The following RAB8B variants were observed in gnomAD, a reference collection of about 807,000 sequenced individuals.
RAB8B encodes RAB8B, member RAS oncogene family.
Under a neutral mutation model 32.0 loss-of-function variants are expected in RAB8B, and 11 were observed. That is an observed-to-expected ratio of 0.34 (90% CI 0.22 to 0.57). RAB8B has a LOEUF of 0.57. Ranked by LOEUF, RAB8B falls within the 20% of genes least tolerant of loss-of-function variation. The pLI, the probability that RAB8B is intolerant of heterozygous loss-of-function variation, is 0.86. For missense variants in RAB8B, 190 were observed against 258.5 expected, an observed-to-expected ratio of 0.73 and a Z score of 1.82; for synonymous variants, 103 against 89.6, an observed-to-expected ratio of 1.15 and a Z score of -0.85.
intron 1 of RAB8B, among the ~76,000 whole-genome samples, chr15:63,230,586 G>A (rs899909794): frequency 2.6e-5 from 4 of 152,246 alleles, no homozygotes; most frequent in African/African-American, 9.6e-5. Flanking sequence ...ACAGGCGTGA[G>A]CCACCACGCC....
chr15:63,201,423 A>G (rs890364274), intron 1 of RAB8B, among the ~76,000 whole-genome samples: 3 of 152,202 alleles, frequency 2.0e-5, no homozygotes, highest in African/African-American at 7.2e-5. Context: ...CCAGAGAGAT[A>G]GCATAGCCCT....
chr15:63,191,660 T>G (rs1178624899), intron 1 of RAB8B, among the ~76,000 whole-genome samples: 2 of 152,246 alleles, frequency 1.3e-5, no homozygotes, highest in African/African-American at 4.8e-5. Context: ...TAAAGGATAA[T>G]TTCTAACAAG....
chr15:63,204,192 T>A (rs970370363), intron 1 of RAB8B, among the ~76,000 whole-genome samples: 4 of 152,204 alleles, frequency 2.6e-5, no homozygotes, highest in Non-Finnish European at 5.9e-5. Flanking sequence ...GTATGTCTGT[T>A]TTCTAGAAAA....
At chr15:63,194,993 A>C (rs369236962) in intron 1 of RAB8B, among the ~76,000 whole-genome samples, 6 of 152,312 alleles carry the variant, frequency 3.9e-5, no homozygotes, top group East Asian at 1.9e-4. Context: ...TGACTGAAAA[A>C]CAAACTTTGT....
chr15:63,247,722 G>A (rs1432175588), intron 2 of RAB8B, among the ~76,000 whole-genome samples: 1 of 152,202 alleles, frequency 6.6e-6, no homozygotes, highest in Non-Finnish European at 1.5e-5. Context: ...GCCTTAGGCT[G>A]TATTTCTTTT....
chr15:63,263,451 A>G (rs973686219), intron 7 of RAB8B, 76 bp from the exon 8 acceptor site: 1 of 1,109,858 alleles, frequency 9.0e-7, no homozygotes, highest in Non-Finnish European at 1.4e-6. Context: ...ATGGTTAGTT[A>G]TTTTTATTTT....
chr15:63,262,659 T>G (rs1331975582), intron 6 of RAB8B, 33 bp from the exon 7 acceptor site: 11 of 881,876 alleles, frequency 1.2e-5, no homozygotes, highest in Non-Finnish European at 1.4e-5. Flanking sequence ...ATAGTGAATA[T>G]ATAATAATGA....
chr15:63,228,837 C>T (rs901859349), intron 1 of RAB8B, among the ~76,000 whole-genome samples: 31 of 152,174 alleles, frequency 2.0e-4, no homozygotes, highest in African/African-American at 7.5e-4. Context: ...ACAGTGAGTA[C>T]TATTTTCGCT....
At chr15:63,210,183 T>C (rs976720126) in intron 1 of RAB8B, among the ~76,000 whole-genome samples, 6 of 152,238 alleles carry the variant, frequency 3.9e-5, no homozygotes, top group African/African-American at 1.4e-4. Flanking sequence ...ATTTTCATTT[T>C]ATTTTGACAG....
In RAB8B at chr15:63,213,447, C is replaced by T. The variant is rs79918746; in HGVS notation, c.124+23699C>T. 2.3e-3 allele frequency among the ~76,000 whole-genome samples: 355 copies of T among 152,218 alleles called. 3 individuals carry two copies. The highest frequency in any genetic ancestry group is 7.8e-3 in the African/African-American group (324 of 41,542). On this transcript the variant is annotated intron_variant, in intron 1 of 7. Coordinates refer to ENST00000321437, the MANE Select transcript of RAB8B (RefSeq NM_016530.3). ...TGTACTGGATAAAGAATTTCTTGTT[C>T]AAGTCTATTTAGTTACTGTACTTAT...
chr15:63,263,007 G>A (rs927026445), intron 7 of RAB8B, among the ~76,000 whole-genome samples: 2 of 152,022 alleles, frequency 1.3e-5, no homozygotes, highest in Non-Finnish European at 2.9e-5. Context: ...GCACAAATTC[G>A]ATTTTTGCCA....
chr15:63,257,640 A>G (rs1245720202), intron 5 of RAB8B, among the ~76,000 whole-genome samples: 1 of 152,220 alleles, frequency 6.6e-6, no homozygotes, highest in Admixed American at 6.5e-5. Context: ...ACTTAATTTT[A>G]GCATTGTAAA....
chr15:63,228,707 A>G (rs56263866), intron 1 of RAB8B, among the ~76,000 whole-genome samples: 6,747 of 152,314 alleles, frequency 0.044, 237 homozygotes, highest in East Asian at 0.18. Flanking sequence ...TGTGTGAATT[A>G]GTTGTTTGGT....
intron 1 of RAB8B, among the ~76,000 whole-genome samples, chr15:63,221,435 C>A (rs1567013202): frequency 6.6e-6 from 1 of 152,086 alleles, no homozygotes; most frequent in Non-Finnish European, 1.5e-5. Flanking sequence ...CTTGAATGGC[C>A]ATGTCAGTGG....
At chr15:63,193,907 G>C (rs954666707) in intron 1 of RAB8B, among the ~76,000 whole-genome samples, 1 of 152,196 alleles carries the variant, frequency 6.6e-6, no homozygotes, top group African/African-American at 2.4e-5. Context: ...GTTAGCTATA[G>C]ATTATATTTC....
rs2038250137 is a variant in RAB8B at position 63,266,630 on chromosome 15, T to C, written c.*3011T>C. ...TTAGACTCTTTGTTTTGTTTTGAAC[T>C]GAAGACATCATTGGGAAAGGTAGGA... On this transcript the variant is annotated 3_prime_UTR_variant, in exon 8 of 8. Coordinates refer to ENST00000321437, the MANE Select transcript of RAB8B (RefSeq NM_016530.3). 6.6e-6 allele frequency: 1 copy of C among 152,596 alleles called. No homozygotes were observed. The highest frequency in any genetic ancestry group is 1.5e-5 in the Non-Finnish European group (1 of 67,998). 9.5% of individuals were successfully genotyped at this position (152,596 alleles called of 1,614,324 possible).
rs568121178 is a variant in RAB8B at position 63,212,219 on chromosome 15, A to G, written c.124+22471A>G. ...ATCCTTGATGTATAACAAGCAGAGC[A>G]TGCTGAACTAGTTCGCAGCAAAAAA... is the stretch of plus-strand genomic sequence containing the variant. On this transcript the variant is annotated intron_variant, in intron 1 of 7. Coordinates refer to ENST00000321437, the MANE Select transcript of RAB8B (RefSeq NM_016530.3). Among the ~76,000 whole-genome samples, 13 of 152,330 alleles carry G rather than the reference A, an allele frequency of 8.5e-5. No homozygotes were observed. The South Asian group carries it at 2.7e-3, about 32-fold the overall frequency.
chr15:63,255,632 T>G (rs758390979), intron 4 of RAB8B, 48 bp downstream of exon 4: 2 of 1,480,854 alleles, frequency 1.4e-6, no homozygotes, highest in African/African-American at 1.4e-5. Context: ...TCCTGCTGGG[T>G]GCTTGTAAAA....
At chr15:63,249,511 C>CT in intron 2 of RAB8B, 134 bp from the exon 3 acceptor site, 1 of 743,456 alleles carries the variant, frequency 1.3e-6, no homozygotes, top group Non-Finnish European at 2.2e-6. Context: ...AGGGCTCCCT[C>CT]TGTGTCTCAT....
Sources: gnomAD v4.1 joint callset for allele counts (sites outside exome capture counted in the v4.1 genomes callset) on GRCh38, gnomAD v4.1.1 for gene constraint, MANE v1.5 for transcripts, NCBI Gene and HGNC (gene_info 2026-07-23, HGNC 2026-07-21) for gene names.